Variants in SOX5 observed in about 807,000 individuals in gnomAD.
SOX5 encodes SRY-box transcription factor 5, also known as transcription factor SOX-5.
Under a neutral mutation model 92.0 loss-of-function variants are expected in SOX5, and 9 were observed. The ratio of observed to expected loss-of-function variants is 0.10; its 90% CI spans 0.06 to 0.17. The LOEUF (loss-of-function observed/expected upper bound fraction) is 0.17, where lower values mean the gene tolerates loss of function less well. Among genes scored for constraint, SOX5 ranks in the 10% least tolerant of loss-of-function variants. The probability of loss-of-function intolerance (pLI) is 1.00; values close to 1 mark genes in which losing one functional copy is unlikely to be tolerated. For synonymous variants in SOX5, 344 were observed against 336.3 expected (o/e 1.02, Z -0.25); for missense variants, 642 against 944.5 (o/e 0.68, Z 4.20).
chr12:24,536,572 G>A (rs145923135), intron 1 of SOX5, among the ~76,000 whole-genome samples: 5 of 152,102 alleles, frequency 3.3e-5, no homozygotes. Context: ...ATACAGTTTA[G>A]ATAGTAAATA....
chr12:23,718,332 C>T (rs1293464493), intron 6 of SOX5, among the ~76,000 whole-genome samples: 1 of 152,148 alleles, frequency 6.6e-6, no homozygotes, highest in Non-Finnish European at 1.5e-5. Flanking sequence ...AGAATTATTC[C>T]TTCATGAAGA....
At chr12:24,157,445 T>C (rs1265141933) in intron 4 of SOX5, among the ~76,000 whole-genome samples, 1 of 152,136 alleles carries the variant, frequency 6.6e-6, no homozygotes, top group Non-Finnish European at 1.5e-5. Context: ...ATACAACTTA[T>C]ATAGTCACAA....
In SOX5 at chr12:24,457,338, T is replaced by A. The variant is rs192269447; in HGVS notation, c.-250-88699A>T. Among the ~76,000 whole-genome samples the A allele has an allele frequency of 2.7e-3, 413 of 152,312 alleles. 2 individuals carry two copies. Among genetic ancestry groups the A allele is most frequent in the African/African-American group, 7.7e-3 (319 of 41,576 alleles). On this transcript the variant is annotated intron_variant, in intron 1 of 4. Coordinates refer to the SOX5 transcript ENST00000446891. ...CTAAACTTCTAAAACCTGTTTTTTT[T>A]AAAATATATACGTCTGTGAATCACA... is the stretch of plus-strand genomic sequence containing the variant.
intron 1 of SOX5, among the ~76,000 whole-genome samples, chr12:24,554,156 T>C (rs924174741): frequency 6.6e-6 from 1 of 152,172 alleles, no homozygotes; most frequent in African/African-American, 2.4e-5. Flanking sequence ...CTACTCCTGA[T>C]AGTATACATC....
chr12:23,837,884 TAATA>T (rs1361151209), intron 3 of SOX5, among the ~76,000 whole-genome samples: 13 of 108,556 alleles, frequency 1.2e-4, no homozygotes, highest in Non-Finnish European at 2.1e-4. Context: ...TATATTTATA[TAATA>T]TATAAGATAT....
chr12:24,303,371 T>G lies in SOX5; in HGVS notation c.-173-26059A>C, dbSNP rs74528932. 4.6e-3 allele frequency among the ~76,000 whole-genome samples: 702 copies of G among 152,138 alleles called. 4 individuals are homozygous for G. The highest frequency in any genetic ancestry group is 0.016 in the African/African-American group (671 of 41,412). On this transcript the variant is annotated intron_variant, in intron 2 of 4. Coordinates refer to the SOX5 transcript ENST00000446891. ...ACGTTAGACATCATGTTCATAGGAA[T>G]TCAAAAAGTACTTTTATTTGACCAC...
intron 4 of SOX5, among the ~76,000 whole-genome samples, chr12:24,050,523 A>G (rs1957465060): frequency 6.6e-6 from 1 of 152,210 alleles, no homozygotes; most frequent in African/African-American, 2.4e-5. Flanking sequence ...TAACAACAAA[A>G]GATCCACAAA....
chr12:23,929,465 G>T lies in SOX5; in HGVS notation c.38+20099C>A, dbSNP rs531912637. On this transcript the variant is annotated intron_variant, in intron 1 of 14. Transcript: ENST00000451604. ...TTACATTCAGGGGTCTCCTAAGTAT[G>T]AGTCAAAGTTCACACATCATGGGGC... 9.9e-5 allele frequency among the ~76,000 whole-genome samples: 15 copies of T among 151,928 alleles called. No homozygotes were observed. The East Asian group carries it at 2.5e-3, about 25-fold the overall frequency.
intron 3 of SOX5, among the ~76,000 whole-genome samples, chr12:24,240,524 T>A (rs918646211): frequency 1.3e-5 from 2 of 152,212 alleles, no homozygotes; most frequent in African/African-American, 4.8e-5. Context: ...CATGTACAAG[T>A]ATTAAAATTC....
intron 4 of SOX5, among the ~76,000 whole-genome samples, chr12:24,195,470 A>G (rs1263885549): frequency 2.0e-5 from 3 of 152,236 alleles, no homozygotes; most frequent in African/African-American, 4.8e-5. Context: ...TAATTAGGCA[A>G]AAGTTTTTTT....
chr12:23,950,278 A>ACT (rs1303366565), upstream of SOX5, among the ~76,000 whole-genome samples: 2 of 151,914 alleles, frequency 1.3e-5, no homozygotes, highest in African/African-American at 4.8e-5. Context: ...ACACACACAC[A>ACT]CACTCACACA....
intron 4 of SOX5, among the ~76,000 whole-genome samples, chr12:24,045,486 G>C (rs1474568450): frequency 6.6e-6 from 1 of 152,042 alleles, no homozygotes; most frequent in African/African-American, 2.4e-5. Flanking sequence ...TTTTGTAGAG[G>C]TGGGGGTCTT....
chr12:24,111,162 C>T (rs941426091), intron 4 of SOX5, among the ~76,000 whole-genome samples: 2 of 152,018 alleles, frequency 1.3e-5, no homozygotes, highest in African/African-American at 4.8e-5. Flanking sequence ...AAATGTCCCA[C>T]GGGAGGTAAA....
intron 6 of SOX5, among the ~76,000 whole-genome samples, chr12:23,683,317 A>G (rs2086939892): frequency 6.6e-6 from 1 of 151,844 alleles, no homozygotes; most frequent in Non-Finnish European, 1.5e-5. Flanking sequence ...TCCATTTTAT[A>G]TTTTTTAAAA....
At chr12:24,555,577 C>T (rs981369291) in intron 1 of SOX5, among the ~76,000 whole-genome samples, 2 of 151,854 alleles carry the variant, frequency 1.3e-5, no homozygotes, top group Non-Finnish European at 2.9e-5. Context: ...TTCCTCCATG[C>T]CACAAACAGT....
At chr12:23,937,393 A>G (rs894681402) in intron 1 of SOX5, among the ~76,000 whole-genome samples, 1 of 150,908 alleles carries the variant, frequency 6.6e-6, no homozygotes, top group Non-Finnish European at 1.5e-5. Context: ...GATTTTGCCT[A>G]TAATTTCCTA....
chr12:24,348,371 T>TTTATTTAG (rs1475543317), intron 2 of SOX5, among the ~76,000 whole-genome samples: 1 of 150,010 alleles, frequency 6.7e-6, no homozygotes, highest in East Asian at 2.0e-4. Flanking sequence ...CTCCTATTTA[T>TTTATTTAG]TTATTTATTT....
chr12:24,534,364 G>T (rs1951453410), intron 1 of SOX5, among the ~76,000 whole-genome samples: 1 of 151,356 alleles, frequency 6.6e-6, no homozygotes, highest in Non-Finnish European at 1.5e-5. Flanking sequence ...TTCTTTCTTT[G>T]AAAGACTAAT....
rs554405585 is a variant in SOX5 at position 24,531,089 on chromosome 12, G to A, written c.-251+31240C>T. On this transcript the variant is annotated intron_variant, in intron 1 of 4. Coordinates refer to the SOX5 transcript ENST00000446891. ...ATCCGTGGAAATTATCTATTTGCAA[G>A]CAACTGTGCTAGTCTACAAGTGACC... 3.4e-4 allele frequency among the ~76,000 whole-genome samples: 52 copies of A among 152,276 alleles called. No individual in the cohort carries two copies. In the South Asian group the frequency reaches 0.01, roughly 30 times the overall value.
Sources: allele counts gnomAD v4.1 joint callset (sites outside exome capture counted in the v4.1 genomes callset), GRCh38; gene constraint gnomAD v4.1.1; transcripts MANE v1.5; gene names NCBI Gene and HGNC (gene_info 2026-07-23, HGNC 2026-07-21).